The following CCSER1 variants were observed in gnomAD, a reference collection of about 807,000 sequenced individuals.
CCSER1 encodes serine-rich coiled-coil domain-containing protein 1.
CCSER1 carries 41 observed loss-of-function variants against 82.0 expected under a neutral mutation model. That is an observed-to-expected ratio of 0.50 (90% CI 0.39 to 0.65). CCSER1 has a LOEUF of 0.65. CCSER1 is among the 30% of genes least tolerant of loss of function. The pLI is 0.00. For missense variants in CCSER1, 1,119 were observed against 1,064.2 expected (o/e 1.05, Z -0.72); for synonymous variants, 414 against 383.9 (o/e 1.08, Z -0.92).
At chr4:90,955,980 T>C (rs1340428522) in intron 9 of CCSER1, among the ~76,000 whole-genome samples, 1 of 152,190 alleles carries the variant, frequency 6.6e-6, no homozygotes. Context: ...ATGTTTTTCT[T>C]GTGTATTATA....
intron 1 of CCSER1, among the ~76,000 whole-genome samples, chr4:90,177,734 T>A (rs950909609): frequency 6.6e-6 from 1 of 152,132 alleles, no homozygotes; most frequent in Admixed American, 6.6e-5. Context: ...AGCTCTTTCA[T>A]ATGCGTTTTC....
chr4:90,509,238 C>T (rs1771140846), intron 5 of CCSER1, among the ~76,000 whole-genome samples: 1 of 151,996 alleles, frequency 6.6e-6, no homozygotes, highest in African/African-American at 2.4e-5. Flanking sequence ...AAGCAGAAGG[C>T]CAAGTTTTAC....
chr4:90,655,561 CT>C (rs1729556638), intron 6 of CCSER1, among the ~76,000 whole-genome samples: 1 of 151,988 alleles, frequency 6.6e-6, no homozygotes, highest in African/African-American at 2.4e-5. Context: ...CTCTCTTTCT[CT>C]CTCTTACATT....
At chr4:91,066,599 ATTC>A (rs552450762) in intron 9 of CCSER1, among the ~76,000 whole-genome samples, 59 of 152,332 alleles carry the variant, frequency 3.9e-4, no homozygotes, top group African/African-American at 1.3e-3. Context: ...ATAGATAATT[ATTC>A]TTCTGCGTAA....
intron 6 of CCSER1, among the ~76,000 whole-genome samples, chr4:90,662,296 C>A (rs529295583): frequency 6.6e-6 from 1 of 152,062 alleles, no homozygotes; most frequent in Middle Eastern, 3.4e-3. Context: ...CATGCCTGGC[C>A]GTCCTATACT....
At chr4:90,432,250 C>G (rs1401778714) in intron 4 of CCSER1, among the ~76,000 whole-genome samples, 1 of 152,014 alleles carries the variant, frequency 6.6e-6, no homozygotes, top group South Asian at 2.1e-4. Context: ...TAATCAGAGG[C>G]AGTTGTCAAA....
chr4:90,782,677 C>CTTTTTTTTT (rs1561127476), intron 7 of CCSER1, among the ~76,000 whole-genome samples: 1 of 95,286 alleles, frequency 1.0e-5, no homozygotes, highest in African/African-American at 4.7e-5. Flanking sequence ...TCTTTCTTTT[C>CTTTTTTTTT]TTTCTTTCTT....
chr4:91,339,048 A>T (rs1747520862), intron 10 of CCSER1, among the ~76,000 whole-genome samples: 1 of 152,082 alleles, frequency 6.6e-6, no homozygotes, highest in Non-Finnish European at 1.5e-5. Flanking sequence ...TATTCTTCTG[A>T]CTTTTGGTCC....
intron 8 of CCSER1, among the ~76,000 whole-genome samples, chr4:90,901,134 G>A (rs1427141687): frequency 6.6e-6 from 1 of 151,694 alleles, no homozygotes; most frequent in Non-Finnish European, 1.5e-5. Flanking sequence ...TTTTTCATTT[G>A]CATGATACAT....
chr4:91,538,501 C>G (rs1288587744), intron 10 of CCSER1, among the ~76,000 whole-genome samples: 1 of 151,254 alleles, frequency 6.6e-6, no homozygotes, highest in Non-Finnish European at 1.5e-5. Context: ...TGGAGAGGCT[C>G]TCTCTCAGGC....
intron 7 of CCSER1, among the ~76,000 whole-genome samples, chr4:90,805,698 T>A (rs1757416580): frequency 6.6e-6 from 1 of 152,188 alleles, no homozygotes; most frequent in Non-Finnish European, 1.5e-5. Context: ...GAATTGAATT[T>A]TAGTTCAAAA....
At chr4:91,251,643 G>A (rs1274680201) in intron 10 of CCSER1, among the ~76,000 whole-genome samples, 1 of 151,970 alleles carries the variant, frequency 6.6e-6, no homozygotes, top group Non-Finnish European at 1.5e-5. Context: ...TGAAATTAGT[G>A]GTTATGTCCA....
Position 90,733,091 on chromosome 4 carries a change from C to T in CCSER1, c.2010+9100C>T, listed in dbSNP as rs570210720. Among the ~76,000 whole-genome samples the T allele has an allele frequency of 3.9e-5, 6 of 152,224 alleles. No individual in the cohort carries two copies. In the South Asian group the frequency reaches 6.2e-4, roughly 16 times the overall value. ...CAAATGGTACATCTATTTTTAGTTTCGTGAGGAACCTCCAAGTTGTACTGC... is the reference window on the plus strand; with the variant it reads ...CAAATGGTACATCTATTTTTAGTTTTGTGAGGAACCTCCAAGTTGTACTGC... On this transcript the variant is annotated intron_variant, in intron 7 of 10. Coordinates refer to ENST00000509176, the MANE Select transcript of CCSER1 (RefSeq NM_001145065.2).
At chr4:90,452,036 C>T (rs115269786) in intron 4 of CCSER1, among the ~76,000 whole-genome samples, 2 of 152,178 alleles carry the variant, frequency 1.3e-5, no homozygotes, top group Non-Finnish European at 2.9e-5. Context: ...AATTCAAGTG[C>T]CCTCATGAGG....
chr4:90,257,213 T>TCATATATA (rs140587839), intron 1 of CCSER1, among the ~76,000 whole-genome samples: 7 of 150,110 alleles, frequency 4.7e-5, no homozygotes, highest in Non-Finnish European at 3.0e-5. Context: ...AAATGAAATG[T>TCATATATA]TATATATATA....
At position 90,296,261 on chromosome 4, in the gene CCSER1, C is replaced by T. The variant is rs533269126; in HGVS notation, c.-41-11983C>T. ...GTGCAGTCAAAGTGATCAATGTGGT[C>T]AAATATTTTGAAATTATTTGTAACA... On this transcript the variant is annotated intron_variant, in intron 1 of 10. Coordinates refer to ENST00000509176, the MANE Select transcript of CCSER1 (RefSeq NM_001145065.2). Among the ~76,000 whole-genome samples, 17 of 152,120 alleles carry T rather than the reference C, an allele frequency of 1.1e-4. No individual in the cohort carries two copies. The South Asian group carries it at 3.3e-3, about 30-fold the overall frequency.
chr4:90,558,435 A>G (rs1405260466), intron 5 of CCSER1, among the ~76,000 whole-genome samples: 1 of 152,060 alleles, frequency 6.6e-6, no homozygotes, highest in Non-Finnish European at 1.5e-5. Context: ...AATTCCAGTA[A>G]ATCGCCTCAC....
chr4:91,210,532 A>G (rs912622609), intron 10 of CCSER1, among the ~76,000 whole-genome samples: 2 of 151,286 alleles, frequency 1.3e-5, no homozygotes, highest in African/African-American at 4.9e-5. Flanking sequence ...TGCAGGTGAC[A>G]GTACACTGTG....
intron 5 of CCSER1, among the ~76,000 whole-genome samples, chr4:90,583,087 C>T (rs17017214): frequency 0.064 from 9,756 of 152,200 alleles, 993 homozygotes; most frequent in African/African-American, 0.22. Flanking sequence ...ATTAACCACA[C>T]CTACTACACC....
Sources: gnomAD v4.1 joint callset for allele counts (sites outside exome capture counted in the v4.1 genomes callset) on GRCh38, gnomAD v4.1.1 for gene constraint, MANE v1.5 for transcripts, NCBI Gene and HGNC (gene_info 2026-07-23, HGNC 2026-07-21) for gene names.